Variants in DYM observed in about 807,000 individuals in gnomAD.
DYM encodes the protein dymeclin, also known as dyggve-Melchior-Clausen syndrome protein.
A neutral mutation model predicts 93.1 loss-of-function variants in DYM; 78 were observed. The observed-to-expected ratio is 0.84, with a 90% CI of 0.70 to 1.01. The LOEUF is 1.01. Ranked by LOEUF, DYM falls within the 50% of genes least tolerant of loss-of-function variation. The probability of loss-of-function intolerance (pLI) is 0.00; values close to 1 mark genes in which losing one functional copy is unlikely to be tolerated. For synonymous variants in DYM, 321 were observed against 319.7 expected (o/e 1.00, Z -0.04); for missense variants, 789 against 845.0 (o/e 0.93, Z 0.82).
At chr18:49,216,069 G>C (rs1399581717) in intron 13 of DYM, among the ~76,000 whole-genome samples, 2 of 152,206 alleles carry the variant, frequency 1.3e-5, no homozygotes, top group Non-Finnish European at 2.9e-5. Context: ...TTTTCCGATG[G>C]GCTTAAAAAA....
intron 17 of DYM, among the ~76,000 whole-genome samples, chr18:49,047,422 C>A (rs2071740322): frequency 6.6e-6 from 1 of 152,256 alleles, no homozygotes; most frequent in South Asian, 2.1e-4. Flanking sequence ...TTGGCCCAGT[C>A]TGGCTGACAA....
rs889850860 is a variant in DYM at position 49,217,276 on chromosome 18, G to A, written c.1461-7561C>T. On this transcript the variant is annotated intron_variant, in intron 13 of 17. Coordinates refer to ENST00000675505, the MANE Select transcript of DYM (RefSeq NM_001353214.3). ...ATGTGAAAAGACCAAATCTACGTCT[G>A]ATTGGTGTACCTGAAAGTGACGGGG... Among the ~76,000 whole-genome samples, 116 of 152,336 alleles carry A rather than the reference G, an allele frequency of 7.6e-4. 1 individual carries two copies. The highest frequency in any genetic ancestry group is 2.6e-3 in the African/African-American group (110 of 41,572).
intron 8 of DYM, among the ~76,000 whole-genome samples, chr18:49,325,186 G>C (rs988693426): frequency 1.3e-5 from 2 of 152,100 alleles, no homozygotes; most frequent in African/African-American, 4.8e-5. Context: ...GATTCCTGTG[G>C]GTAAGTCCTA....
chr18:49,391,699 AT>A lies in DYM; in HGVS notation c.141-55del, dbSNP rs1160331276. On this transcript the variant is annotated intron_variant, in intron 2 of 17. Transcript: ENST00000675505. Reference sequence around the variant, plus strand: ...AATGACTATAATACTAAATATGTACATGCTAATCAGTTAAAGAAATATATAA... The same window carrying A: ...AATGACTATAATACTAAATATGTACAGCTAATCAGTTAAAGAAATATATAA... 3 of 1,426,582 alleles carry A rather than the reference AT, an allele frequency of 2.1e-6. No homozygotes were observed. The African/African-American group carries it at 4.2e-5, about 20-fold the overall frequency. 88.4% of individuals were successfully genotyped at this position (1,426,582 alleles called of 1,614,324 possible).
rs775179721 is a variant in DYM at position 49,351,587 on chromosome 18, G to GA, written c.494+11573dup. Among the ~76,000 whole-genome samples the GA allele has an allele frequency of 4.5e-3, 613 of 137,344 alleles. 5 individuals carry two copies. The highest frequency in any genetic ancestry group is 0.013 in the African/African-American group (496 of 37,710). 90.1% of individuals were successfully genotyped at this position (137,344 alleles called of 152,430 possible). ...TTCTAAAATCTTCCACCGAGGAAAA[G>GA]AAAAAAAAAAACCATACAGAGCAAT... On this transcript the variant is annotated intron_variant, in intron 6 of 17. Transcript: ENST00000675505.
chr18:49,379,636 A>T (rs2067849372), intron 4 of DYM, 29 bp downstream of exon 4: 1 of 1,541,392 alleles, frequency 6.5e-7, no homozygotes, highest in East Asian at 2.3e-5. Flanking sequence ...TTAAATATAA[A>T]GCAAACATGG....
chr18:49,268,341 A>G (rs62104609), intron 11 of DYM, among the ~76,000 whole-genome samples: 7,928 of 152,302 alleles, frequency 0.052, 291 homozygotes, highest in Middle Eastern at 0.088. Context: ...GAAAAAGAAC[A>G]AGTGTTTCAA....
At chr18:49,121,680 A>G (rs1284389067) in intron 15 of DYM, among the ~76,000 whole-genome samples, 3 of 152,148 alleles carry the variant, frequency 2.0e-5, no homozygotes, top group Admixed American at 6.5e-5. Flanking sequence ...CCAAAACAAA[A>G]CAAAAAAACC....
chr18:49,302,187 A>G (rs563267958), intron 8 of DYM, among the ~76,000 whole-genome samples: 1 of 152,248 alleles, frequency 6.6e-6, no homozygotes, highest in Non-Finnish European at 1.5e-5. Flanking sequence ...ATCTCTGAAG[A>G]AAACTGCTCT....
intron 15 of DYM, among the ~76,000 whole-genome samples, chr18:49,149,258 C>G (rs755133712): frequency 6.6e-6 from 1 of 152,020 alleles, no homozygotes. Context: ...CTCACTTGCC[C>G]GCCGCTCACC....
intron 8 of DYM, among the ~76,000 whole-genome samples, chr18:49,307,128 T>G (rs2061321896): frequency 6.6e-6 from 1 of 151,998 alleles, no homozygotes; most frequent in Non-Finnish European, 1.5e-5. Flanking sequence ...AGAAAGCTAG[T>G]TTATTATGTC....
chr18:49,452,171 G>A (rs570405656), intron 1 of DYM, among the ~76,000 whole-genome samples: 7 of 152,244 alleles, frequency 4.6e-5, no homozygotes, highest in Admixed American at 1.3e-4. Context: ...TCTGATGTTC[G>A]GATGTGTTCG....
intron 1 of DYM, among the ~76,000 whole-genome samples, chr18:49,440,399 GCATATTA>G: frequency 8.5e-6 from 1 of 117,846 alleles, no homozygotes; most frequent in East Asian, 2.7e-4. Flanking sequence ...ATATAATATA[GCATATTA>G]TATATGCTAT....
At chr18:49,358,961 G>A (rs1462883962) in intron 6 of DYM, among the ~76,000 whole-genome samples, 3 of 152,072 alleles carry the variant, frequency 2.0e-5, no homozygotes, top group Non-Finnish European at 2.9e-5. Context: ...GGGTCTATAC[G>A]GCATCACTGC....
chr18:49,136,115 T>C (rs993319542), intron 15 of DYM, among the ~76,000 whole-genome samples: 1 of 152,266 alleles, frequency 6.6e-6, no homozygotes, highest in African/African-American at 2.4e-5. Flanking sequence ...GGAAACTCCC[T>C]GTGGCCCAGC....
At chr18:49,376,019 G>A (rs2067476310) in intron 5 of DYM, among the ~76,000 whole-genome samples, 1 of 152,106 alleles carries the variant, frequency 6.6e-6, no homozygotes, top group South Asian at 2.1e-4. Flanking sequence ...ACTGAAGGCT[G>A]CACTGTCAGC....
intron 1 of DYM, among the ~76,000 whole-genome samples, chr18:49,444,836 T>G (rs1284413635): frequency 1.3e-5 from 2 of 152,176 alleles, no homozygotes; most frequent in Non-Finnish European, 2.9e-5. Context: ...TAAAACCATA[T>G]GTTCACAGAC....
At chr18:49,142,274 T>A (rs974305118) in intron 15 of DYM, among the ~76,000 whole-genome samples, 4 of 152,222 alleles carry the variant, frequency 2.6e-5, no homozygotes, top group Non-Finnish European at 4.4e-5. Flanking sequence ...AGCAAATTAA[T>A]TACAGTGTTG....
At position 49,095,351 on chromosome 18, in the gene DYM, A is replaced by G. The variant is rs182081862; in HGVS notation, c.2025+2051T>C. Among the ~76,000 whole-genome samples the G allele has an allele frequency of 4.3e-4, 65 of 152,318 alleles. 1 individual carries two copies. The South Asian group carries it at 0.013, about 30-fold the overall frequency. ...TTTTATTTCTAGTAACATCTGTGGT[A>G]ATAATATGCTATCATTTAAACCAAC... On this transcript the variant is annotated intron_variant, in intron 17 of 17. Transcript: ENST00000675505.
Sources: allele counts gnomAD v4.1 joint callset (sites outside exome capture counted in the v4.1 genomes callset), GRCh38; gene constraint gnomAD v4.1.1; transcripts MANE v1.5; gene names NCBI Gene and HGNC (gene_info 2026-07-23, HGNC 2026-07-21).